TGM4: variants seen among roughly 807,000 people sequenced by gnomAD.
TGM4 encodes transglutaminase 4.
TGM4 carries 61 observed loss-of-function variants against 76.3 expected under a neutral mutation model. The observed-to-expected ratio is 0.80, with a 90% CI of 0.65 to 0.99. TGM4 has a LOEUF of 0.99. Among genes scored for constraint, TGM4 ranks in the 50% least tolerant of loss-of-function variants. The pLI is 0.00. For missense variants in TGM4, 794 were observed against 843.2 expected (o/e 0.94, Z 0.72); for synonymous variants, 337 against 329.8 (o/e 1.02, Z -0.24).
chr3:44,880,295 A>G (rs1699514732), intron 1 of TGM4, among the ~76,000 whole-genome samples: 2 of 152,250 alleles, frequency 1.3e-5, no homozygotes, highest in Admixed American at 1.3e-4. Flanking sequence ...ATTGGCGTTT[A>G]TCCCCTAAAC....
rs201971224 is a variant in TGM4, at chr3:44,885,425, G to A, written c.120G>A (p.Gln40=). The A allele has an allele frequency of 3.3e-5, 54 of 1,613,670 alleles. No homozygotes were observed. Among genetic ancestry groups the A allele is most frequent in the Admixed American group, 5.0e-5 (3 of 60,008 alleles). Residue 40 remains glutamine, a synonymous_variant, in exon 2 of 14, where the codon CAG becomes CAA. Coordinates refer to ENST00000296125, the MANE Select transcript of TGM4 (RefSeq NM_003241.4). ...QTSSPVFRRG[Q]VFHLRLVLNQ... is the part of the protein sequence containing the mutation. ...GCAGTCCTGTGTTCCGGCGAGGACA[G>A]GTGTTTCACCTGCGGCTGGTGCTGA...
intron 10 of TGM4, among the ~76,000 whole-genome samples, chr3:44,908,657 T>C (rs1404110654): frequency 6.6e-6 from 1 of 152,216 alleles, no homozygotes; most frequent in Non-Finnish European, 1.5e-5. Context: ...CCAGAATTTA[T>C]ATTTGGTTCT....
chr3:44,907,711 C>T (rs1041689317), intron 10 of TGM4, among the ~76,000 whole-genome samples: 2 of 152,150 alleles, frequency 1.3e-5, no homozygotes, highest in Admixed American at 6.5e-5. Flanking sequence ...TCACCCCTGG[C>T]CAAACCTCTG....
At chr3:44,879,774 G>A (rs367561613) in intron 1 of TGM4, among the ~76,000 whole-genome samples, 2 of 151,734 alleles carry the variant, frequency 1.3e-5, no homozygotes. Flanking sequence ...CACTGTGCCC[G>A]GCCCTATATT....
intron 13 of TGM4, among the ~76,000 whole-genome samples, chr3:44,911,860 C>T (rs561100889): frequency 1.7e-4 from 26 of 152,172 alleles, no homozygotes; most frequent in Non-Finnish European, 3.4e-4. Flanking sequence ...TGGAGTCTCA[C>T]TTTGTTGCCC....
chr3:44,892,362 A>AT lies in TGM4; in HGVS notation c.431-1198dup, dbSNP rs200539240. Among the ~76,000 whole-genome samples the AT allele has an allele frequency of 3.0e-3, 399 of 131,572 alleles. 3 individuals are homozygous for AT. The highest frequency in any genetic ancestry group is 5.0e-3 in the Admixed American group (63 of 12,576). The allele number at this position is 131,572 out of a possible 152,430, so 86.3% of individuals were successfully genotyped here. ...TTCCAGTTTGGTCACTTTTTTTTTA[A>AT]TTTTTTTTTTTTTTTTTGAGACGGA... On this transcript the variant is annotated intron_variant, in intron 4 of 13. Coordinates refer to ENST00000296125, the MANE Select transcript of TGM4 (RefSeq NM_003241.4).
chr3:44,910,384 G>A lies in TGM4; in HGVS notation c.1606+16G>A. 6.2e-6 allele frequency: 10 copies of A among 1,609,250 alleles called. No homozygotes were observed. The highest frequency in any genetic ancestry group is 8.5e-6 in the Non-Finnish European group (10 of 1,176,380). ...CAAGGTCAAGGTACCAGAACCAGAG[G>A]GAGGAGAGGCCTCAAGTGGGCTCAG... is the stretch of plus-strand genomic sequence containing the variant. On this transcript the variant is annotated intron_variant, in intron 11 of 13. Coordinates refer to ENST00000296125, the MANE Select transcript of TGM4 (RefSeq NM_003241.4).
intron 13 of TGM4, among the ~76,000 whole-genome samples, chr3:44,913,214 T>C (rs1700029293): frequency 6.6e-6 from 1 of 152,216 alleles, no homozygotes; most frequent in South Asian, 2.1e-4. Context: ...GCTAGCCAAT[T>C]CCTTGCATGT....
intron 8 of TGM4, among the ~76,000 whole-genome samples, chr3:44,902,740 G>C (rs1251623868): frequency 6.6e-6 from 1 of 152,200 alleles, no homozygotes; most frequent in Non-Finnish European, 1.5e-5. Flanking sequence ...ACCACTGTTT[G>C]AGAACTTTTG....
At chr3:44,890,382 C>T (rs113154972) in intron 3 of TGM4, 7 of 522,512 alleles carry the variant, frequency 1.3e-5, no homozygotes, top group South Asian at 5.5e-5. Flanking sequence ...CCTTGCAAGA[C>T]GTGCCAAAAC....
chr3:44,902,130 C>T (rs534740273), intron 8 of TGM4, among the ~76,000 whole-genome samples, 199 bp downstream of exon 8: 2 of 152,272 alleles, frequency 1.3e-5, no homozygotes, highest in Non-Finnish European at 1.5e-5. Context: ...TTTTTTAGCC[C>T]AAGCCCAGTC....
At chr3:44,902,619 A>G (rs1699870061) in intron 8 of TGM4, among the ~76,000 whole-genome samples, 1 of 150,110 alleles carries the variant, frequency 6.7e-6, no homozygotes, top group Non-Finnish European at 1.5e-5. Flanking sequence ...AACAAAAACA[A>G]AAAACAAACA....
chr3:44,904,888 G>C (rs994929312), intron 9 of TGM4, among the ~76,000 whole-genome samples: 3 of 151,840 alleles, frequency 2.0e-5, no homozygotes, highest in Non-Finnish European at 4.4e-5. Context: ...TGCCATATTG[G>C]TCAGGCTGGT....
Position 44,910,195 on chromosome 3 carries a change from A to C in TGM4, c.1433A>C (p.Gln478Pro), listed in dbSNP as rs763928692. ...VKENFLHMSV[Q>P]SDDVLLGNSV... ...GAGAACTTTCTTCACATGTCGGTAC[A>C]ATCAGATGATGTGCTGCTGGGAAAC... The change falls in exon 11 of 14, where the codon CAA becomes CCA. Residue 478 changes from glutamine to proline, a missense_variant. By Grantham distance (76) the Gln-to-Pro change is moderately conservative. Transcript: ENST00000296125. 8 of 1,614,184 alleles carry C rather than the reference A, an allele frequency of 5.0e-6. No individual in the cohort carries two copies. The highest frequency in any genetic ancestry group is 6.8e-6 in the Non-Finnish European group (8 of 1,180,036).
chr3:44,890,919 G>A (rs190799682), intron 4 of TGM4, among the ~76,000 whole-genome samples, 187 bp downstream of exon 4: 3 of 152,176 alleles, frequency 2.0e-5, no homozygotes, highest in Admixed American at 2.0e-4. Context: ...CCCTTAGAAT[G>A]GAGGTCCTTA....
At position 44,913,994 on chromosome 3, in the gene TGM4, C is replaced by A; in HGVS notation, c.*269C>A. 1 of 373,734 alleles carries A rather than the reference C, an allele frequency of 2.7e-6. No homozygotes were observed. The allele number at this position is 373,734 out of a possible 1,614,324, so 23.2% of individuals were successfully genotyped here. ...TGAGTCATGGCCTCAAAAATCAGGG[C>A]CACCATTGTCTCAATTCAAATCCAT... On this transcript the variant is annotated 3_prime_UTR_variant, in exon 14 of 14. Coordinates refer to ENST00000296125, the MANE Select transcript of TGM4 (RefSeq NM_003241.4).
At position 44,885,347 on chromosome 3, in the gene TGM4, C is replaced by A. The variant is rs762632161; in HGVS notation, c.42C>A (p.Asp14Glu). Residue 14 changes from aspartate to glutamate, a missense_variant, in exon 2 of 14, where the codon GAC becomes GAA. Coordinates refer to ENST00000296125, the MANE Select transcript of TGM4 (RefSeq NM_003241.4). ...CAGAGCTGCAAGTTCTCCACATTGACTTCTTGAATCAGGACAACGCCGTTT... is the reference window on the plus strand; with the variant it reads ...CAGAGCTGCAAGTTCTCCACATTGAATTCTTGAATCAGGACAACGCCGTTT... Reference protein sequence around the residue: ...ASKELQVLHIDFLNQDNAVSH... With the variant: ...ASKELQVLHIEFLNQDNAVSH... The A allele has an allele frequency of 1.2e-6, 2 of 1,609,410 alleles. No homozygotes were observed. The highest frequency in any genetic ancestry group is 1.3e-5 in the African/African-American group (1 of 74,882).
chr3:44,892,223 A>G (rs1699710118), intron 4 of TGM4, among the ~76,000 whole-genome samples: 1 of 151,728 alleles, frequency 6.6e-6, no homozygotes, highest in South Asian at 2.1e-4. Flanking sequence ...ACGCCACTGC[A>G]CTCCAGCCTG....
intron 5 of TGM4, among the ~76,000 whole-genome samples, chr3:44,895,856 G>A (rs1285362511): frequency 6.6e-6 from 1 of 152,046 alleles, no homozygotes; most frequent in African/African-American, 2.4e-5. Flanking sequence ...AATTTTATGA[G>A]ATATAAATGA....
Sources: allele counts gnomAD v4.1 joint callset (sites outside exome capture counted in the v4.1 genomes callset), GRCh38; gene constraint gnomAD v4.1.1; transcripts MANE v1.5; gene names NCBI Gene and HGNC (gene_info 2026-07-23, HGNC 2026-07-21).